The following LRCH1 variants were observed in gnomAD, a reference collection of about 807,000 sequenced individuals.
The protein encoded by LRCH1 is leucine-rich repeat and calponin homology domain-containing protein 1.
In LRCH1, 23 loss-of-function variants were observed where a neutral mutation model predicts 94.9. The ratio of observed to expected loss-of-function variants is 0.24; its 90% CI spans 0.17 to 0.34. The LOEUF is 0.34. Among genes scored for constraint, LRCH1 ranks in the 10% least tolerant of loss-of-function variants. LRCH1 has a pLI of 1.00. For missense variants in LRCH1, 790 were observed against 945.9 expected (o/e 0.84, Z 2.16); for synonymous variants, 364 against 354.9 (o/e 1.03, Z -0.29).
At chr13:46,647,174 C>G (rs1271161223) in intron 1 of LRCH1, among the ~76,000 whole-genome samples, 1 of 151,112 alleles carries the variant, frequency 6.6e-6, no homozygotes, top group Non-Finnish European at 1.5e-5. Context: ...ATAAGAATAT[C>G]TGTAGATGAG....
chr13:46,578,076 A>G (rs2050323263), intron 1 of LRCH1, among the ~76,000 whole-genome samples: 2 of 152,230 alleles, frequency 1.3e-5, no homozygotes, highest in Non-Finnish European at 2.9e-5. Context: ...TCACAGGCAC[A>G]TGTGGCACCT....
chr13:46,677,893 G>A (rs546141933), intron 3 of LRCH1, among the ~76,000 whole-genome samples: 1 of 152,226 alleles, frequency 6.6e-6, no homozygotes, highest in South Asian at 2.1e-4. Flanking sequence ...GATTCTTTCT[G>A]ATCTGCCTGT....
chr13:46,655,541 C>T (rs1243273273), intron 2 of LRCH1, among the ~76,000 whole-genome samples: 1 of 152,032 alleles, frequency 6.6e-6, no homozygotes, highest in African/African-American at 2.4e-5. Flanking sequence ...GACATGTGGC[C>T]AAGAACAATA....
chr13:46,575,985 C>G (rs547732205), intron 1 of LRCH1, among the ~76,000 whole-genome samples: 2 of 152,250 alleles, frequency 1.3e-5, no homozygotes, highest in South Asian at 4.2e-4. Context: ...TGACCTAATA[C>G]TCGACTTTGG....
intron 1 of LRCH1, among the ~76,000 whole-genome samples, chr13:46,600,541 AGT>A (rs1313984127): frequency 1.3e-5 from 2 of 151,870 alleles, no homozygotes; most frequent in African/African-American, 2.4e-5. Flanking sequence ...AGCCTAAGAC[AGT>A]GTTTTTCAAA....
At chr13:46,568,318 T>C (rs2050206993) in intron 1 of LRCH1, among the ~76,000 whole-genome samples, 1 of 152,190 alleles carries the variant, frequency 6.6e-6, no homozygotes, top group Non-Finnish European at 1.5e-5. Flanking sequence ...ATGATTTAGA[T>C]AAGTTATATG....
At chr13:46,706,188 AATTAT>A (rs1871751595) in intron 13 of LRCH1, among the ~76,000 whole-genome samples, 1 of 152,216 alleles carries the variant, frequency 6.6e-6, no homozygotes, top group Non-Finnish European at 1.5e-5. Flanking sequence ...AGCGACTTGG[AATTAT>A]ATTAGGTATC....
chr13:46,639,815 T>C (rs9316220), intron 1 of LRCH1, among the ~76,000 whole-genome samples: 4,065 of 152,362 alleles, frequency 0.027, 200 homozygotes, highest in African/African-American at 0.093. Context: ...CCAGTGTCCC[T>C]ACAGTAATCT....
chr13:46,740,383 GT>G (rs1321471755), intron 19 of LRCH1, among the ~76,000 whole-genome samples: 4 of 152,182 alleles, frequency 2.6e-5, no homozygotes, highest in Non-Finnish European at 4.4e-5. Flanking sequence ...AAATTAGAAT[GT>G]TTTTAATCTT....
intron 3 of LRCH1, among the ~76,000 whole-genome samples, chr13:46,678,461 C>T (rs972986737): frequency 6.6e-6 from 1 of 152,172 alleles, no homozygotes. Flanking sequence ...GCTAAATCTG[C>T]TTGGGCGTTT....
At chr13:46,707,592 C>T (rs1269632122) in intron 13 of LRCH1, among the ~76,000 whole-genome samples, 1 of 152,152 alleles carries the variant, frequency 6.6e-6, no homozygotes, top group Non-Finnish European at 1.5e-5. Context: ...CACCTGTTTG[C>T]ATGATTTCAG....
intron 16 of LRCH1, among the ~76,000 whole-genome samples, chr13:46,718,542 G>C (rs1401183554): frequency 6.6e-6 from 1 of 152,196 alleles, no homozygotes; most frequent in African/African-American, 2.4e-5. Context: ...CTTTTTATGG[G>C]ATGTTATGTG....
chr13:46,710,671 T>C (rs1030054410), intron 13 of LRCH1, among the ~76,000 whole-genome samples: 17 of 152,350 alleles, frequency 1.1e-4, no homozygotes, highest in African/African-American at 2.6e-4. Flanking sequence ...TCTAAAAATA[T>C]GGTTTCCTCT....
chr13:46,574,534 A>G (rs1257735471), intron 1 of LRCH1, among the ~76,000 whole-genome samples: 1 of 152,182 alleles, frequency 6.6e-6, no homozygotes, highest in Non-Finnish European at 1.5e-5. Flanking sequence ...TTTTCCGACT[A>G]TGTTGAGTGG....
At position 46,712,543 on chromosome 13, in the gene LRCH1, G is replaced by T. The variant is rs749055043; in HGVS notation, c.1600G>T (p.Ala534Ser). Residue 534 changes from alanine to serine, a missense_variant, in exon 15 of 20, where the codon GCA becomes TCA. Coordinates refer to ENST00000389797, the MANE Select transcript of LRCH1 (RefSeq NM_001164211.2). ...SPNEIRENSP[A>S]VSPTTNSTAP... is the part of the protein sequence containing the mutation. ...ACCACAGATTAGAGAGAACTCCCCT[G>T]CAGTCTCTCCTACCACAAACAGCAC... The T allele has an allele frequency of 5.0e-6, 8 of 1,613,722 alleles. No homozygotes were observed. The highest frequency in any genetic ancestry group is 6.8e-6 in the Non-Finnish European group (8 of 1,179,698).
intron 9 of LRCH1, among the ~76,000 whole-genome samples, chr13:46,698,679 C>T (rs1871317189): frequency 6.6e-6 from 1 of 152,104 alleles, no homozygotes; most frequent in Non-Finnish European, 1.5e-5. Context: ...AGAGGGATCT[C>T]TCAATACAAG....
At chr13:46,641,772 A>G (rs17068501) in intron 1 of LRCH1, among the ~76,000 whole-genome samples, 18,931 of 152,146 alleles carry the variant, frequency 0.12, 1,339 homozygotes, top group East Asian at 0.23. Context: ...CAAAAACAAC[A>G]CCGTGCTTCC....
rs2051205342 is a variant in LRCH1, at chr13:46,645,196, G to A, written c.308-5005G>A. On this transcript the variant is annotated intron_variant, in intron 1 of 19. Coordinates refer to ENST00000389797, the MANE Select transcript of LRCH1 (RefSeq NM_001164211.2). ...AGTGCAATATTCTAGCATGTTTTTA[G>A]CAAATTGTTATTAATGATGCCATTA... Among the ~76,000 whole-genome samples, 5 of 152,294 alleles carry A rather than the reference G, an allele frequency of 3.3e-5. No individual in the cohort carries two copies. The South Asian group carries it at 1.0e-3, about 32-fold the overall frequency.
In LRCH1 at chr13:46,588,670, C is replaced by T. The variant is rs544844266; in HGVS notation, c.307+34967C>T. ...GGCTGGAATGCAGTGGCGCCATCTC[C>T]GTTCACTGCAACCCCCGCCTCTCGG... On this transcript the variant is annotated intron_variant, in intron 1 of 19. Transcript: ENST00000389797. 3.8e-4 allele frequency among the ~76,000 whole-genome samples: 54 copies of T among 143,526 alleles called. 1 individual carries two copies. The South Asian group carries it at 0.012, about 31-fold the overall frequency. 94.2% of individuals were successfully genotyped at this position (143,526 alleles called of 152,430 possible). A position where few individuals can be genotyped will look rare whatever the true frequency, so the allele number is the denominator to read the frequency against.
Sources: gnomAD v4.1 joint callset for allele counts (sites outside exome capture counted in the v4.1 genomes callset) on GRCh38, gnomAD v4.1.1 for gene constraint, MANE v1.5 for transcripts, NCBI Gene and HGNC (gene_info 2026-07-23, HGNC 2026-07-21) for gene names.